The following MAP2K4 variants were observed in gnomAD, a reference collection of about 807,000 sequenced individuals.
MAP2K4 encodes the protein dual specificity mitogen-activated protein kinase kinase 4.
In MAP2K4, 4 loss-of-function variants were observed where a neutral mutation model predicts 48.5. The ratio of observed to expected loss-of-function variants is 0.08; its 90% CI spans 0.04 to 0.19. The LOEUF (loss-of-function observed/expected upper bound fraction) is 0.19. Among genes scored for constraint, MAP2K4 ranks in the 10% least tolerant of loss-of-function variants. The probability of loss-of-function intolerance (pLI) is 1.00; values close to 1 mark genes in which losing one functional copy is unlikely to be tolerated. For missense variants in MAP2K4, 258 were observed against 493.3 expected (o/e 0.52, Z 4.52); for synonymous variants, 166 against 173.1 (o/e 0.96, Z 0.32).
chr17:12,048,645 A>C (rs991735385), intron 1 of MAP2K4, among the ~76,000 whole-genome samples: 4 of 151,622 alleles, frequency 2.6e-5, no homozygotes, highest in Admixed American at 1.3e-4. Flanking sequence ...CTTTTTCTTT[A>C]TTTATTTTTA....
At chr17:12,049,443 ATG>A (rs1186623756) in intron 1 of MAP2K4, among the ~76,000 whole-genome samples, 1 of 152,200 alleles carries the variant, frequency 6.6e-6, no homozygotes, top group Non-Finnish European at 1.5e-5. Flanking sequence ...CTCCTTTCGC[ATG>A]TGAGTAGTTG....
At chr17:12,041,874 A>G (rs1259651290) in intron 1 of MAP2K4, among the ~76,000 whole-genome samples, 2 of 152,188 alleles carry the variant, frequency 1.3e-5, no homozygotes, top group African/African-American at 2.4e-5. Context: ...TCTGATTTCC[A>G]ATGGTCAGAA....
chr17:12,095,895 T>TGTG (rs1971724915), intron 4 of MAP2K4, among the ~76,000 whole-genome samples: 2 of 147,294 alleles, frequency 1.4e-5, no homozygotes, highest in East Asian at 4.0e-4. Context: ...ACACGTGTGT[T>TGTG]TGTGTGTGTG....
chr17:12,132,261 A>G (rs1417055305), intron 9 of MAP2K4, among the ~76,000 whole-genome samples: 1 of 152,244 alleles, frequency 6.6e-6, no homozygotes, highest in African/African-American at 2.4e-5. Context: ...AAAAGTGTGG[A>G]CATAAATACA....
chr17:12,065,668 T>A (rs1422691948), intron 2 of MAP2K4, among the ~76,000 whole-genome samples: 1 of 152,158 alleles, frequency 6.6e-6, no homozygotes, highest in Non-Finnish European at 1.5e-5. Context: ...ACTCTTGACC[T>A]CAGGTGATCT....
chr17:12,078,253 C>G (rs1363671598), intron 2 of MAP2K4, among the ~76,000 whole-genome samples: 3 of 152,128 alleles, frequency 2.0e-5, no homozygotes. Flanking sequence ...CTGAGTTTCC[C>G]AGGTTGGTAA....
At chr17:12,031,246 A>G (rs765852826) in intron 1 of MAP2K4, among the ~76,000 whole-genome samples, 2 of 152,222 alleles carry the variant, frequency 1.3e-5, no homozygotes, top group Non-Finnish European at 2.9e-5. Context: ...AAGTAGCTAC[A>G]TTAGCATTTT....
intron 1 of MAP2K4, among the ~76,000 whole-genome samples, chr17:12,042,109 A>T (rs1211626186): frequency 8.0e-6 from 1 of 124,456 alleles, no homozygotes; most frequent in Non-Finnish European, 1.6e-5. Context: ...TGAACCCAGG[A>T]GGTGGAGGTT....
At chr17:12,037,015 C>T (rs1029221751) in intron 1 of MAP2K4, among the ~76,000 whole-genome samples, 4 of 151,714 alleles carry the variant, frequency 2.6e-5, no homozygotes, top group Admixed American at 6.6e-5. Flanking sequence ...TTTTTGGTGG[C>T]GTTAAAAACT....
At chr17:12,031,913 C>G (rs1969450398) in intron 1 of MAP2K4, among the ~76,000 whole-genome samples, 2 of 152,108 alleles carry the variant, frequency 1.3e-5, no homozygotes, top group African/African-American at 4.8e-5. Context: ...GTAACTCATT[C>G]TGTATTTGTA....
chr17:12,118,484 C>T (rs928692990), intron 7 of MAP2K4, among the ~76,000 whole-genome samples: 1 of 152,116 alleles, frequency 6.6e-6, no homozygotes, highest in Non-Finnish European at 1.5e-5. Context: ...GTTTCATAAA[C>T]ATTTTGTACC....
At chr17:12,059,753 C>T (rs1970392800) in intron 2 of MAP2K4, among the ~76,000 whole-genome samples, 1 of 152,118 alleles carries the variant, frequency 6.6e-6, no homozygotes. Context: ...TTTCAAAGTC[C>T]CTAGTTAATA....
chr17:12,117,495 A>G (rs1194671056), intron 7 of MAP2K4, among the ~76,000 whole-genome samples: 3 of 152,126 alleles, frequency 2.0e-5, no homozygotes, highest in Admixed American at 2.0e-4. Flanking sequence ...AAGCATGCCT[A>G]CAAAGGGTAA....
intron 1 of MAP2K4, among the ~76,000 whole-genome samples, chr17:12,051,947 T>A (rs1282445052): frequency 6.6e-6 from 1 of 151,880 alleles, no homozygotes; most frequent in Non-Finnish European, 1.5e-5. Context: ...AGCTCATGCC[T>A]CCAGGTAGCC....
intron 9 of MAP2K4, among the ~76,000 whole-genome samples, chr17:12,131,920 T>C (rs1973039265): frequency 6.6e-6 from 1 of 152,024 alleles, no homozygotes; most frequent in Non-Finnish European, 1.5e-5. Flanking sequence ...AATAGCAAAA[T>C]ACTTGAAAGG....
At position 12,066,059 on chromosome 17, in the gene MAP2K4, C is replaced by A. The variant is rs754631632; in HGVS notation, c.218+11068C>A. Among the ~76,000 whole-genome samples the A allele has an allele frequency of 1.3e-5, 2 of 151,874 alleles. 1 individual carries two copies. Among genetic ancestry groups the A allele is most frequent in the South Asian group, 4.2e-4 (2 of 4,796 alleles). ...TCAGGTATAGTGTACCCCTAAGTAG[C>A]TAGAGTCCCCTAAAAAGTTGAGGGG... On this transcript the variant is annotated intron_variant, in intron 2 of 10. Coordinates refer to ENST00000353533, the MANE Select transcript of MAP2K4 (RefSeq NM_003010.4).
chr17:12,071,915 T>C (rs977106813), intron 2 of MAP2K4, among the ~76,000 whole-genome samples: 10 of 152,232 alleles, frequency 6.6e-5, no homozygotes, highest in Non-Finnish European at 1.2e-4. Flanking sequence ...TAAACCATAA[T>C]AACAGTGGTA....
At chr17:12,031,661 G>C (rs1689253661) in intron 1 of MAP2K4, among the ~76,000 whole-genome samples, 1 of 152,082 alleles carries the variant, frequency 6.6e-6, no homozygotes, top group Admixed American at 6.6e-5. Context: ...TTTTCTTCTT[G>C]TAACTTCTAA....
intron 4 of MAP2K4, among the ~76,000 whole-genome samples, chr17:12,107,371 T>C (rs1031313381): frequency 1.3e-5 from 2 of 150,954 alleles, no homozygotes; most frequent in African/African-American, 4.9e-5. Context: ...TTATGTATTT[T>C]TGTCTTTTTC....
Sources: gnomAD v4.1 joint callset for allele counts (sites outside exome capture counted in the v4.1 genomes callset) on GRCh38, gnomAD v4.1.1 for gene constraint, MANE v1.5 for transcripts, NCBI Gene and HGNC (gene_info 2026-07-23, HGNC 2026-07-21) for gene names.